ADCY2: variants seen among roughly 807,000 people sequenced by gnomAD.
The protein encoded by ADCY2 is adenylate cyclase type 2.
A neutral mutation model predicts 125.2 loss-of-function variants in ADCY2; 31 were observed. The observed-to-expected ratio is 0.25, with a 90% CI of 0.19 to 0.33. ADCY2 has a LOEUF of 0.33. ADCY2 is among the 10% of genes least tolerant of loss of function. ADCY2 has a pLI of 1.00. For synonymous variants in ADCY2, 512 were observed against 548.4 expected (o/e 0.93, Z 0.93); for missense variants, 904 against 1,418.2 (o/e 0.64, Z 5.82).
At chr5:7,764,080 A>G (rs546915234) in intron 16 of ADCY2, among the ~76,000 whole-genome samples, 1 of 152,318 alleles carries the variant, frequency 6.6e-6, no homozygotes, top group Admixed American at 6.5e-5. Context: ...ACTCATTGGT[A>G]TTGAATGCCA....
intron 3 of ADCY2, among the ~76,000 whole-genome samples, chr5:7,595,153 C>T (rs1026019658): frequency 6.6e-6 from 1 of 152,244 alleles, no homozygotes; most frequent in East Asian, 1.9e-4. Context: ...AACAGGTACC[C>T]AAACACCTGA....
intron 4 of ADCY2, among the ~76,000 whole-genome samples, chr5:7,633,375 G>A (rs1195063940): frequency 2.0e-5 from 3 of 151,072 alleles, no homozygotes; most frequent in Non-Finnish European, 4.4e-5. Flanking sequence ...GGCAGAGGTT[G>A]CAGTGAGCCA....
At chr5:7,767,566 A>G (rs1430262393) in intron 17 of ADCY2, among the ~76,000 whole-genome samples, 1 of 152,242 alleles carries the variant, frequency 6.6e-6, no homozygotes, top group Non-Finnish European at 1.5e-5. Flanking sequence ...TTTAATATGT[A>G]CGCTTTCAAA....
At chr5:7,790,668 C>T (rs1356069408) in intron 20 of ADCY2, among the ~76,000 whole-genome samples, 1 of 152,130 alleles carries the variant, frequency 6.6e-6, no homozygotes, top group African/African-American at 2.4e-5. Flanking sequence ...AGTTTATTTT[C>T]CAAGGTTGAG....
intron 3 of ADCY2, among the ~76,000 whole-genome samples, chr5:7,543,600 A>G (rs1267263278): frequency 2.0e-5 from 3 of 152,200 alleles, no homozygotes; most frequent in Non-Finnish European, 4.4e-5. Flanking sequence ...GTGCAAGAGT[A>G]ATTGCAAAAA....
At position 7,625,507 on chromosome 5, in the gene ADCY2, T is replaced by C. The variant is rs138020366; in HGVS notation, c.571-660T>C. Reference sequence around the variant, plus strand: ...TTTTTAGTTTGTCTTTATATCTTTGTTTTTCTCCCAAATTATATGAACATG... The same window carrying C: ...TTTTTAGTTTGTCTTTATATCTTTGCTTTTCTCCCAAATTATATGAACATG... On this transcript the variant is annotated intron_variant, in intron 3 of 24. Transcript: ENST00000338316. Among the ~76,000 whole-genome samples the C allele has an allele frequency of 2.2e-3, 330 of 152,330 alleles. 2 individuals carry two copies. The highest frequency in any genetic ancestry group is 7.6e-3 in the African/African-American group (316 of 41,580).
intron 4 of ADCY2, among the ~76,000 whole-genome samples, chr5:7,655,736 G>A (rs541480214): frequency 4.6e-5 from 7 of 152,286 alleles, no homozygotes; most frequent in Admixed American, 1.3e-4. Flanking sequence ...TAACCATCAC[G>A]TGGCCCAATT....
At chr5:7,590,729 G>C (rs1003858782) in intron 3 of ADCY2, among the ~76,000 whole-genome samples, 1 of 152,144 alleles carries the variant, frequency 6.6e-6, no homozygotes, top group African/African-American at 2.4e-5. Context: ...GAACATTATG[G>C]TGTGGACAAA....
intron 2 of ADCY2, among the ~76,000 whole-genome samples, chr5:7,514,013 C>G (rs74422109): frequency 9.2e-5 from 14 of 152,062 alleles, no homozygotes; most frequent in Admixed American, 7.9e-4. Flanking sequence ...TCTTGATTAG[C>G]TTGCTGATTC....
intron 2 of ADCY2, among the ~76,000 whole-genome samples, chr5:7,422,988 G>C (rs1363201983): frequency 6.6e-6 from 1 of 152,144 alleles, no homozygotes. Context: ...TAGAAAGCCT[G>C]TCTCTGTGCA....
intron 12 of ADCY2, among the ~76,000 whole-genome samples, chr5:7,723,379 C>T (rs530745360): frequency 2.0e-5 from 3 of 152,116 alleles, no homozygotes; most frequent in South Asian, 4.2e-4. Context: ...TTGAAAGTGC[C>T]CTGTGGGATG....
chr5:7,558,957 G>A (rs956422018), intron 3 of ADCY2, among the ~76,000 whole-genome samples: 2 of 151,946 alleles, frequency 1.3e-5, no homozygotes, highest in African/African-American at 2.4e-5. Context: ...GCTTGTTTTT[G>A]TCAGGTTTGT....
chr5:7,544,611 C>A (rs1014482905), intron 3 of ADCY2, among the ~76,000 whole-genome samples: 62 of 152,146 alleles, frequency 4.1e-4, no homozygotes. Flanking sequence ...CCATGGAAGG[C>A]AGCATCCACA....
chr5:7,747,876 G>A (rs546691825), intron 15 of ADCY2, among the ~76,000 whole-genome samples: 2 of 152,340 alleles, frequency 1.3e-5, no homozygotes, highest in African/African-American at 4.8e-5. Context: ...ATATCAATCT[G>A]CTTGAAGGAA....
intron 3 of ADCY2, among the ~76,000 whole-genome samples, chr5:7,616,977 T>C (rs936453011): frequency 2.0e-5 from 3 of 152,164 alleles, no homozygotes; most frequent in Non-Finnish European, 2.9e-5. Context: ...TTTTGTCCCC[T>C]CTGAAACTCA....
At chr5:7,701,819 T>C (rs1393902007) in intron 7 of ADCY2, among the ~76,000 whole-genome samples, 2 of 152,258 alleles carry the variant, frequency 1.3e-5, no homozygotes, top group African/African-American at 4.8e-5. Flanking sequence ...GTGGCATGTG[T>C]TAGCACCTTT....
intron 15 of ADCY2, among the ~76,000 whole-genome samples, chr5:7,752,239 T>C (rs1334467424): frequency 6.6e-6 from 1 of 152,248 alleles, no homozygotes; most frequent in African/African-American, 2.4e-5. Context: ...ACAGTCTTTG[T>C]GACATTAAAT....
At position 7,724,612 on chromosome 5, in the gene ADCY2, G is replaced by A. The variant is rs200919097; in HGVS notation, c.1771G>A (p.Glu591Lys). 5.1e-6 allele frequency: 8 copies of A among 1,572,746 alleles called. No homozygotes were observed. The highest frequency in any genetic ancestry group is 4.2e-5 in the African/African-American group (3 of 72,100). ...LLFYNKVLEK[E>K]YRATALPAFK... The stretch of plus-strand genomic sequence containing the variant: ...TTTCTATAACAAAGTACTAGAAAAA[G>A]AGGTAAGTTTTTTTCTTCTTCAAAA... Residue 591 changes from glutamate (E) to lysine (K), a missense_variant and splice_region_variant, in exon 13 of 25, where the codon GAG becomes AAG. Physicochemically the swap from Glu to Lys is moderately conservative, Grantham distance 56. This residue lies in a region of ADCY2 where 144 missense variants were observed against 227.7 expected (regional missense o/e 0.63). Transcript: ENST00000338316.
intron 2 of ADCY2, among the ~76,000 whole-genome samples, chr5:7,422,729 A>G (rs1740249862): frequency 6.6e-6 from 1 of 152,218 alleles, no homozygotes; most frequent in Admixed American, 6.5e-5. Context: ...CCTGTTACCT[A>G]AAAGGATGTC....
Sources: allele counts gnomAD v4.1 joint callset (sites outside exome capture counted in the v4.1 genomes callset), GRCh38; gene constraint gnomAD v4.1.1; regional missense constraint gnomAD v4.1.1; transcripts MANE v1.5; gene names NCBI Gene and HGNC (gene_info 2026-07-23, HGNC 2026-07-21).